Variants in GSTO2 observed in about 807,000 individuals in gnomAD.
The protein encoded by GSTO2 is glutathione S-transferase omega 2, also known as glutathione S-transferase omega-2.
Under a neutral mutation model 28.4 loss-of-function variants are expected in GSTO2, and 23 were observed. That is an observed-to-expected ratio of 0.81 (90% confidence interval 0.58 to 1.15). The LOEUF (loss-of-function observed/expected upper bound fraction) is 1.15, where lower values mean the gene tolerates loss of function less well. Among genes scored for constraint, GSTO2 ranks in the 50% most tolerant of loss-of-function variants. GSTO2 has a pLI of 0.00. For synonymous variants in GSTO2, 109 were observed against 111.0 expected (o/e 0.98, Z 0.11); for missense variants, 298 against 297.8 (o/e 1.00, Z 0.00).
chr10:104,270,661 G>A (rs1262092056), intron 1 of GSTO2, among the ~76,000 whole-genome samples: 1 of 152,034 alleles, frequency 6.6e-6, no homozygotes, highest in Non-Finnish European at 1.5e-5. Flanking sequence ...TTTACCTAAC[G>A]TATCTCACTT....
chr10:104,297,721 G>A, intron 6 of GSTO2, 37 bp downstream of exon 6: 1 of 1,370,228 alleles, frequency 7.3e-7, no homozygotes, highest in Non-Finnish European at 1.0e-6. Flanking sequence ...AATTCCCGGA[G>A]TCACACTGAG....
intron 5 of GSTO2, among the ~76,000 whole-genome samples, chr10:104,293,588 G>A (rs922661314): frequency 5.2e-5 from 3 of 57,794 alleles, no homozygotes; most frequent in Non-Finnish European, 9.5e-5. Context: ...TTTTTTTTGC[G>A]ACAAGGTCTT....
intron 5 of GSTO2, among the ~76,000 whole-genome samples, chr10:104,280,743 GT>G (rs1410563063): frequency 1.3e-5 from 2 of 152,194 alleles, no homozygotes; most frequent in Non-Finnish European, 2.9e-5. Flanking sequence ...TTATGGGTGG[GT>G]GGTTCCTCTA....
rs2013185317 is a variant in GSTO2 at position 104,299,292 on chromosome 10, T to C, written c.*8T>C. On this transcript the variant is annotated 3_prime_UTR_variant, in exon 7 of 7. Coordinates refer to ENST00000338595, the MANE Select transcript of GSTO2 (RefSeq NM_183239.2). ...GACTTTGGGCTGTGCTGAGTCTCAC[T>C]GTCCACCCCTTCGCTGTCCAGAATT... The C allele has an allele frequency of 6.2e-7, 1 of 1,613,800 alleles. No homozygotes were observed. Among genetic ancestry groups the C allele is most frequent in the Admixed American group, 1.7e-5 (1 of 59,966 alleles).
intron 5 of GSTO2, 21 bp from the exon 6 acceptor site, chr10:104,297,557 T>G (rs2013096931): frequency 6.7e-7 from 1 of 1,499,410 alleles, no homozygotes. Flanking sequence ...TTATTTGCTT[T>G]TGCTTTGTTT....
chr10:104,300,028 T>C lies in GSTO2; in HGVS notation c.*744T>C, dbSNP rs2013213257. ...AAGGAAGAAGAAAACACTCCAAACC[T>C]AAATACCTTCCATTTGGCAAATGAA... On this transcript the variant is annotated 3_prime_UTR_variant, in exon 7 of 7. Transcript: ENST00000338595. 1 of 152,286 alleles carries C rather than the reference T, an allele frequency of 6.6e-6. No homozygotes were observed. The highest frequency in any genetic ancestry group is 1.5e-5 in the Non-Finnish European group (1 of 68,140). The allele number at this position is 152,286 out of a possible 1,614,324, so 9.4% of individuals were successfully genotyped here. A position where few individuals can be genotyped will look rare whatever the true frequency, so the allele number is the denominator to read the frequency against.
rs1390972699 is a variant in GSTO2, at chr10:104,303,919, AG to A, written c.*4639del. On this transcript the variant is annotated 3_prime_UTR_variant, in exon 7 of 7. Transcript: ENST00000338595. ...TGTTTCTTGGAGCTTTGGTGGTGGTAGGGGTGGCAGGGGCAGGTGTTATGTT... is the reference window on the plus strand; with the variant it reads ...TGTTTCTTGGAGCTTTGGTGGTGGTAGGGTGGCAGGGGCAGGTGTTATGTT... 1 of 152,250 alleles carries A rather than the reference AG, an allele frequency of 6.6e-6. No homozygotes were observed. The highest frequency in any genetic ancestry group is 2.4e-5 in the African/African-American group (1 of 41,450). 9.4% of individuals were successfully genotyped at this position (152,250 alleles called of 1,614,324 possible). A position where few individuals can be genotyped will look rare whatever the true frequency, so the allele number is the denominator to read the frequency against.
At chr10:104,272,569 A>G (rs1564841547) in intron 1 of GSTO2, among the ~76,000 whole-genome samples, 2 of 142,848 alleles carry the variant, frequency 1.4e-5, no homozygotes, top group Admixed American at 7.2e-5. Context: ...AGTGAATCAA[A>G]ATAGAACAGT....
chr10:104,296,612 C>CT (rs1298225753), intron 5 of GSTO2: 1 of 78,186 alleles, frequency 1.3e-5, no homozygotes, highest in Non-Finnish European at 2.2e-5. Context: ...AAGACCCTAT[C>CT]TAAAAAAAAA....
At position 104,302,340 on chromosome 10, in the gene GSTO2, TAAA is replaced by T. The variant is rs1001134046; in HGVS notation, c.*3061_*3063del. The T allele has an allele frequency of 6.6e-6, 1 of 151,984 alleles. No homozygotes were observed. Among genetic ancestry groups the T allele is most frequent in the Admixed American group, 6.6e-5 (1 of 15,254 alleles). The allele number at this position is 151,984 out of a possible 1,614,324, so 9.4% of individuals were successfully genotyped here. A position where few individuals can be genotyped will look rare whatever the true frequency, so the allele number is the denominator to read the frequency against. On this transcript the variant is annotated 3_prime_UTR_variant, in exon 7 of 7. Coordinates refer to ENST00000338595, the MANE Select transcript of GSTO2 (RefSeq NM_183239.2). Reference sequence around the variant, plus strand: ...CTCTATCTTTTGCAGATTGGAAAAATAAAAAAATTAGTTTAAACCACAGCATTT... The same window carrying T: ...CTCTATCTTTTGCAGATTGGAAAAATAAAATTAGTTTAAACCACAGCATTT...
chr10:104,289,270 A>AT (rs2012639188), intron 5 of GSTO2, among the ~76,000 whole-genome samples: 1 of 151,916 alleles, frequency 6.6e-6, no homozygotes. Flanking sequence ...AATTTTGTGT[A>AT]TTTTTTGTAG....
In GSTO2 at chr10:104,299,895, T is replaced by G. The variant is rs17116848; in HGVS notation, c.*611T>G. 0.038 allele frequency: 5,894 copies of G among 155,688 alleles called. 418 individuals carry two copies. Among genetic ancestry groups the G allele is most frequent in the African/African-American group, 0.13 (5,601 of 41,542 alleles). The allele number at this position is 155,688 out of a possible 1,614,324, so 9.6% of individuals were successfully genotyped here. On this transcript the variant is annotated 3_prime_UTR_variant, in exon 7 of 7. Transcript: ENST00000338595. ...CAGCCTAGTTTGATCTCCAGATTATTGGTGCAGATGCTGATGCTGAGGTTC... is the reference window on the plus strand; with the variant it reads ...CAGCCTAGTTTGATCTCCAGATTATGGGTGCAGATGCTGATGCTGAGGTTC...
chr10:104,272,823 A>G (rs1589854049), intron 1 of GSTO2, among the ~76,000 whole-genome samples: 2 of 151,982 alleles, frequency 1.3e-5, no homozygotes, highest in Admixed American at 6.5e-5. Flanking sequence ...CACGTTAGCC[A>G]GGATGGCCTC....
chr10:104,279,530 T>A, intron 5 of GSTO2, 59 bp downstream of exon 5: 1 of 1,173,536 alleles, frequency 8.5e-7, no homozygotes, highest in Non-Finnish European at 1.3e-6. Flanking sequence ...GCAGGGTCGC[T>A]AACCTGGTCA....
At chr10:104,283,051 C>T (rs925863997) in intron 5 of GSTO2, among the ~76,000 whole-genome samples, 4 of 152,208 alleles carry the variant, frequency 2.6e-5, no homozygotes, top group South Asian at 2.1e-4. Context: ...GGTGTAAACA[C>T]TTCCGTCAAG....
At chr10:104,272,774 C>A (rs747203105) in intron 1 of GSTO2, among the ~76,000 whole-genome samples, 2 of 151,682 alleles carry the variant, frequency 1.3e-5, no homozygotes, top group Non-Finnish European at 2.9e-5. Flanking sequence ...CCACCGCGCC[C>A]GGCTAATTTT....
At chr10:104,275,703 T>A (rs1041532837) in intron 3 of GSTO2, among the ~76,000 whole-genome samples, 2 of 152,150 alleles carry the variant, frequency 1.3e-5, no homozygotes, top group Non-Finnish European at 2.9e-5. Flanking sequence ...GGTCACTGTT[T>A]CCTTTCTTTA....
chr10:104,294,916 A>G (rs1564852599), intron 5 of GSTO2: 1 of 152,212 alleles, frequency 6.6e-6, no homozygotes, highest in East Asian at 1.9e-4. Flanking sequence ...TCCTCACTTT[A>G]CCAAAGGACC....
intron 5 of GSTO2, among the ~76,000 whole-genome samples, chr10:104,292,408 T>C (rs1027072313): frequency 2.6e-5 from 4 of 152,044 alleles, no homozygotes; most frequent in Non-Finnish European, 5.9e-5. Flanking sequence ...TCCTTCCACT[T>C]TGACCTTCCA....
Sources: allele counts gnomAD v4.1 joint callset (sites outside exome capture counted in the v4.1 genomes callset), GRCh38; gene constraint gnomAD v4.1.1; transcripts MANE v1.5; gene names NCBI Gene and HGNC (gene_info 2026-07-23, HGNC 2026-07-21).